Variants in SAMD7 observed in about 807,000 individuals in gnomAD.
The protein encoded by SAMD7 is sterile alpha motif domain-containing protein 7.
In SAMD7, 34 loss-of-function variants were observed where a neutral mutation model predicts 36.7. The ratio of observed to expected loss-of-function variants is 0.93; its 90% CI spans 0.71 to 1.23. SAMD7 has a LOEUF of 1.23. SAMD7 is among the 50% of genes most tolerant of loss of function. The probability of loss-of-function intolerance (pLI) is 0.00; values close to 1 mark genes in which losing one functional copy is unlikely to be tolerated. For synonymous variants in SAMD7, 188 were observed against 189.7 expected, an observed-to-expected ratio of 0.99 and a Z score of 0.07; for missense variants, 570 against 546.6, an observed-to-expected ratio of 1.04 and a Z score of -0.43.
intron 2 of SAMD7, among the ~76,000 whole-genome samples, chr3:169,916,380 T>C (rs1712800366): frequency 6.6e-6 from 1 of 152,190 alleles, no homozygotes; most frequent in South Asian, 2.1e-4. Flanking sequence ...GCGTGGTGGC[T>C]CACACGTCTA....
intron 3 of SAMD7, among the ~76,000 whole-genome samples, chr3:169,920,281 T>G (rs1712990607): frequency 6.6e-6 from 1 of 152,178 alleles, no homozygotes; most frequent in Admixed American, 6.5e-5. Context: ...AAGATCAAGG[T>G]GCTGCAGGGT....
chr3:169,919,065 G>A (rs971381403), intron 2 of SAMD7, among the ~76,000 whole-genome samples: 18 of 152,188 alleles, frequency 1.2e-4, no homozygotes, highest in Admixed American at 1.0e-3. Flanking sequence ...AGAATGGCTT[G>A]AACCCGGGAG....
chr3:169,929,707 T>C (rs1301733963), intron 7 of SAMD7, among the ~76,000 whole-genome samples: 1 of 152,204 alleles, frequency 6.6e-6, no homozygotes, highest in Non-Finnish European at 1.5e-5. Context: ...TTTGTGAGCA[T>C]TAGAGTGCAT....
At chr3:169,921,377 A>AT in intron 4 of SAMD7, 39 bp downstream of exon 4, 1 of 1,599,956 alleles carries the variant, frequency 6.3e-7, no homozygotes, top group African/African-American at 1.3e-5. Context: ...CTGTGGAGTC[A>AT]TTTTGAACTG....
intron 7 of SAMD7, among the ~76,000 whole-genome samples, chr3:169,930,775 G>T (rs1484219984): frequency 1.3e-5 from 2 of 151,804 alleles, no homozygotes; most frequent in Non-Finnish European, 2.9e-5. Context: ...TAAAGACAGG[G>T]TTTCATCGTG....
intron 4 of SAMD7, among the ~76,000 whole-genome samples, chr3:169,923,540 G>A (rs554098806): frequency 4.6e-5 from 7 of 152,204 alleles, no homozygotes; most frequent in East Asian, 3.8e-4. Flanking sequence ...TCAGAAGTTC[G>A]AGACCATCCT....
chr3:169,913,334 C>G (rs556369709), intron 1 of SAMD7, among the ~76,000 whole-genome samples: 3 of 152,208 alleles, frequency 2.0e-5, no homozygotes, highest in South Asian at 4.2e-4. Context: ...ACAGTATAGC[C>G]AATAACAGAC....
At chr3:169,921,055 C>T (rs1003360444) in intron 3 of SAMD7, among the ~76,000 whole-genome samples, 159 bp from the exon 4 acceptor site, 1 of 152,164 alleles carries the variant, frequency 6.6e-6, no homozygotes. Flanking sequence ...CACCATATTT[C>T]TCCATAAATT....
chr3:169,911,967 A>T (rs1712617957), intron 1 of SAMD7, 146 bp downstream of exon 1: 1 of 152,222 alleles, frequency 6.6e-6, no homozygotes, highest in African/African-American at 2.4e-5. Flanking sequence ...TATTACTAAC[A>T]GTATGTGAGC....
rs1229058882 is a variant in SAMD7, at chr3:169,914,572, G to C, written c.-116-795G>C. ...TTGCATTTTAGATTAAAATTTGGTGGACTGATTAAAAAACAATGAACCACT... is the reference window on the plus strand; with the variant it reads ...TTGCATTTTAGATTAAAATTTGGTGCACTGATTAAAAAACAATGAACCACT... On this transcript the variant is annotated intron_variant, in intron 1 of 8. Transcript: ENST00000335556. Among the ~76,000 whole-genome samples, 5 of 152,078 alleles carry C rather than the reference G, an allele frequency of 3.3e-5. No individual in the cohort carries two copies. The East Asian group carries it at 9.6e-4, about 29-fold the overall frequency.
Position 169,928,411 on chromosome 3 carries a change from A to G in SAMD7, c.920-46A>G, listed in dbSNP as rs762938148. On this transcript the variant is annotated intron_variant, in intron 6 of 8. Coordinates refer to ENST00000335556, the MANE Select transcript of SAMD7 (RefSeq NM_001304366.2). ...TATAAGGAAATTAATGTAACTATAC[A>G]TAAACCTGTATGTATTTTATGCCAC... The G allele has an allele frequency of 3.2e-6, 5 of 1,558,732 alleles. No homozygotes were observed. In the African/African-American group the frequency reaches 4.1e-5, roughly 13 times the overall value.
At chr3:169,929,868 C>A (rs1713418514) in intron 7 of SAMD7, among the ~76,000 whole-genome samples, 1 of 152,142 alleles carries the variant, frequency 6.6e-6, no homozygotes, top group East Asian at 1.9e-4. Flanking sequence ...GCCTACTCTT[C>A]CCTGTTCAAT....
rs1713656186 is a variant in SAMD7 at position 169,934,734 on chromosome 3, G to A, written c.1042-1605G>A. Among the ~76,000 whole-genome samples the A allele has an allele frequency of 2.0e-5, 3 of 152,202 alleles. No homozygotes were observed. In the South Asian group the frequency reaches 6.2e-4, roughly 32 times the overall value. On this transcript the variant is annotated intron_variant, in intron 7 of 8. Transcript: ENST00000335556. ...TTTAGCTTCTGAGTTAAAGATACAT[G>A]TTAGGGAGCCTTCAGCATATACAGC...
At position 169,921,306 on chromosome 3, in the gene SAMD7, T is replaced by C. The variant is rs371526384; in HGVS notation, c.179T>C (p.Met60Thr). 2.5e-6 allele frequency: 4 copies of C among 1,614,114 alleles called. No individual in the cohort carries two copies. Among genetic ancestry groups the C allele is most frequent in the African/African-American group, 1.3e-5 (1 of 75,062 alleles). Residue 60 changes from methionine to threonine, a missense_variant, in exon 4 of 9, where the codon ATG becomes ACG. By Grantham distance (81) the Met-to-Thr change is moderately conservative (BLOSUM62 -1). Coordinates refer to ENST00000335556, the MANE Select transcript of SAMD7 (RefSeq NM_001304366.2). ...TCCTCTGTTCTACCAAACACAAATA[T>C]GGCAAATGTGTTGTCCAGTCGGATC... ...FGSSVLPNTN[M>T]ANVLSSRIYP...
At chr3:169,919,353 C>T in intron 2 of SAMD7, 105 bp from the exon 3 acceptor site, 1 of 651,762 alleles carries the variant, frequency 1.5e-6, no homozygotes, top group Non-Finnish European at 2.7e-6. Flanking sequence ...CTAGTCTTCC[C>T]AAGTGTTGTG....
intron 5 of SAMD7, chr3:169,926,191 T>C: frequency 1.1e-6 from 1 of 945,830 alleles, no homozygotes; most frequent in Non-Finnish European, 1.5e-6. Context: ...CTTTCTTGAA[T>C]CTCACTAAGA....
rs191699419 is a variant in SAMD7 at position 169,926,615 on chromosome 3, G to T, written c.353G>T (p.Gly118Val). 80 of 1,613,430 alleles carry T rather than the reference G, an allele frequency of 5.0e-5. No individual in the cohort carries two copies. The East Asian group carries it at 1.7e-3, about 34-fold the overall frequency. Residue 118 changes from glycine (G) to valine (V), a missense_variant, in exon 6 of 9, where the codon GGA (glycine) becomes GTA (valine). Gly to Val is a moderately radical substitution (Grantham distance 109). Coordinates refer to ENST00000335556, the MANE Select transcript of SAMD7 (RefSeq NM_001304366.2). ...QRRMEKINPK[G>V]LAGLGIPFLY... ...AGAATGGAAAAAATTAATCCCAAGG[G>T]ACTAGCAGGCCTAGGGATACCCTTC...
At position 169,938,592 on chromosome 3, in the gene SAMD7, T is replaced by C. The variant is rs983506130; in HGVS notation, c.*86T>C. 12 of 838,470 alleles carry C rather than the reference T, an allele frequency of 1.4e-5. No individual in the cohort carries two copies. Among genetic ancestry groups the C allele is most frequent in the Non-Finnish European group, 2.2e-5 (12 of 549,576 alleles). The allele number at this position is 838,470 out of a possible 1,614,324, so 51.9% of individuals were successfully genotyped here. A position where few individuals can be genotyped will look rare whatever the true frequency, so the allele number is the denominator to read the frequency against. ...AGGATGTGTGAGGATTTCCCAGTAC[T>C]GGATGGAGAATGAGAAGAGAAAGTC... On this transcript the variant is annotated 3_prime_UTR_variant, in exon 9 of 9. Transcript: ENST00000335556.
intron 7 of SAMD7, among the ~76,000 whole-genome samples, chr3:169,929,774 C>G (rs1713415892): frequency 6.6e-6 from 1 of 152,170 alleles, no homozygotes; most frequent in African/African-American, 2.4e-5. Context: ...AAGAGACGGC[C>G]AAGCCTCAAG....
Sources: allele counts gnomAD v4.1 joint callset (sites outside exome capture counted in the v4.1 genomes callset), GRCh38; gene constraint gnomAD v4.1.1; transcripts MANE v1.5; gene names NCBI Gene and HGNC (gene_info 2026-07-23, HGNC 2026-07-21).